Variants in ASTN2 observed in about 807,000 individuals in gnomAD.
The protein encoded by ASTN2 is astrotactin-2.
In ASTN2, 54 loss-of-function variants were observed where a neutral mutation model predicts 139.8. That is an observed-to-expected ratio of 0.39 (90% CI 0.31 to 0.48). The LOEUF (loss-of-function observed/expected upper bound fraction) is 0.48. Ranked by LOEUF, ASTN2 falls within the 20% of genes least tolerant of loss-of-function variation. The pLI, the probability that ASTN2 is intolerant of heterozygous loss-of-function variation, is 0.95. For synonymous variants in ASTN2, 756 were observed against 719.5 expected (o/e 1.05, Z -0.81); for missense variants, 1,565 against 1,725.1 (o/e 0.91, Z 1.64).
At chr9:116,819,350 G>A (rs144974255) in intron 12 of ASTN2, among the ~76,000 whole-genome samples, 112 of 152,160 alleles carry the variant, frequency 7.4e-4, no homozygotes, top group Non-Finnish European at 1.4e-3. Context: ...AGGAGAGATC[G>A]CTATAAATTC....
intron 1 of ASTN2, among the ~76,000 whole-genome samples, chr9:117,366,266 C>T (rs185517675): frequency 6.6e-6 from 1 of 152,192 alleles, no homozygotes; most frequent in Admixed American, 6.5e-5. Context: ...GACAAGCTGA[C>T]AATGTTAATG....
intron 13 of ASTN2, among the ~76,000 whole-genome samples, chr9:116,779,204 GGTCTTTTGGT>G (rs1370923974): frequency 2.0e-5 from 3 of 152,054 alleles, no homozygotes; most frequent in Non-Finnish European, 4.4e-5. Flanking sequence ...TGCAGGGTGG[GGTCTTTTGGT>G]AGGTGTTTGG....
At position 117,214,442 on chromosome 9, in the gene ASTN2, C is replaced by T; in HGVS notation, c.931G>A (p.Glu311Lys). 2.5e-6 allele frequency: 4 copies of T among 1,614,132 alleles called. No individual in the cohort carries two copies. The highest frequency in any genetic ancestry group is 1.1e-5 in the South Asian group (1 of 91,072). Reference sequence around the variant, plus strand: ...GTCACCTGGCTGCCAAACTCGTCCTCGCGGGAGACATGGTTGGCCCGCCTA... The same window carrying T: ...GTCACCTGGCTGCCAAACTCGTCCTTGCGGGAGACATGGTTGGCCCGCCTA... ...PPRRANHVSR[E>K]DEFGSQVTHT... Residue 311 changes from glutamate to lysine, a missense_variant, in exon 3 of 23, where the codon GAG becomes AAG. By Grantham distance (56) the Glu-to-Lys change is moderately conservative (BLOSUM62 1). Coordinates refer to ENST00000313400, the MANE Select transcript of ASTN2 (RefSeq NM_001365068.1).
intron 10 of ASTN2, among the ~76,000 whole-genome samples, chr9:116,906,304 C>A (rs1458695866): frequency 1.3e-5 from 2 of 152,116 alleles, no homozygotes; most frequent in South Asian, 2.1e-4. Flanking sequence ...ACCAGAGGAA[C>A]CTTTTTGTTC....
intron 13 of ASTN2, among the ~76,000 whole-genome samples, chr9:116,740,351 T>TG (rs143952171): frequency 0.032 from 4,832 of 152,298 alleles, 268 homozygotes; most frequent in African/African-American, 0.11. Context: ...AGAAAGAGCA[T>TG]GGGCTTAGAA....
intron 6 of ASTN2, among the ~76,000 whole-genome samples, chr9:117,022,774 T>C (rs1285062058): frequency 6.6e-6 from 1 of 152,046 alleles, no homozygotes; most frequent in Non-Finnish European, 1.5e-5. Flanking sequence ...AGCAGCAGGA[T>C]AGTTAAATGT....
intron 10 of ASTN2, among the ~76,000 whole-genome samples, chr9:116,970,926 G>A (rs1836178139): frequency 6.6e-6 from 1 of 152,194 alleles, no homozygotes; most frequent in Non-Finnish European, 1.5e-5. Context: ...TGCTCCAGGT[G>A]AAATTGTGAA....
At chr9:117,043,032 A>T (rs921321361) in intron 5 of ASTN2, among the ~76,000 whole-genome samples, 5 of 151,976 alleles carry the variant, frequency 3.3e-5, no homozygotes, top group African/African-American at 1.2e-4. Context: ...CACCACACCC[A>T]GCTAATTTTT....
intron 7 of ASTN2, among the ~76,000 whole-genome samples, chr9:116,997,709 C>A (rs767784411): frequency 3.3e-5 from 5 of 152,148 alleles, no homozygotes; most frequent in Non-Finnish European, 7.4e-5. Context: ...TACTTTAAGA[C>A]ATAGCTACTT....
chr9:117,032,478 G>C (rs776807162), intron 6 of ASTN2, among the ~76,000 whole-genome samples: 5 of 152,176 alleles, frequency 3.3e-5, no homozygotes, highest in African/African-American at 4.8e-5. Flanking sequence ...TGATTTCATA[G>C]AGCAGGATGT....
chr9:117,035,341 A>G (rs1288636825), intron 6 of ASTN2, among the ~76,000 whole-genome samples: 4 of 152,174 alleles, frequency 2.6e-5, no homozygotes, highest in Non-Finnish European at 5.9e-5. Flanking sequence ...AAAATATCAT[A>G]GAATTGTGCA....
intron 4 of ASTN2, among the ~76,000 whole-genome samples, chr9:117,113,381 C>T (rs1448343612): frequency 3.3e-5 from 5 of 152,276 alleles, no homozygotes; most frequent in East Asian, 3.9e-4. Context: ...TTAGGCCAGG[C>T]GTGGTGGCTC....
Position 117,177,320 on chromosome 9 carries a change from C to T in ASTN2, c.1016-35842G>A, listed in dbSNP as rs543706180. 1.8e-4 allele frequency among the ~76,000 whole-genome samples: 27 copies of T among 152,288 alleles called. 1 individual carries two copies. Among genetic ancestry groups the T allele is most frequent in the African/African-American group, 6.5e-4 (27 of 41,568 alleles). On this transcript the variant is annotated intron_variant, in intron 3 of 22. Transcript: ENST00000313400. ...TATCACCATTTTATGCATAAGGAAG[C>T]TGAGGGACAAATCAGTTAAATAACT...
intron 19 of ASTN2, among the ~76,000 whole-genome samples, chr9:116,500,676 G>A (rs1849824356): frequency 6.6e-6 from 1 of 152,178 alleles, no homozygotes; most frequent in Non-Finnish European, 1.5e-5. Context: ...CTAAGCAAGT[G>A]ACGTCATCTT....
At chr9:117,125,388 T>G (rs1829661138) in intron 4 of ASTN2, among the ~76,000 whole-genome samples, 1 of 152,246 alleles carries the variant, frequency 6.6e-6, no homozygotes. Context: ...ATCTTCTTTG[T>G]GATCTGTTGC....
At chr9:116,594,062 C>T (rs1222818216) in intron 19 of ASTN2, among the ~76,000 whole-genome samples, 5 of 152,232 alleles carry the variant, frequency 3.3e-5, no homozygotes, top group Non-Finnish European at 5.9e-5. Context: ...CGTGGGACCT[C>T]TCTCAGCTCA....
At chr9:116,645,458 G>A (rs184248832) in intron 17 of ASTN2, among the ~76,000 whole-genome samples, 1 of 152,208 alleles carries the variant, frequency 6.6e-6, no homozygotes, top group East Asian at 1.9e-4. Flanking sequence ...TGCATTCACT[G>A]GAATGTACCT....
intron 12 of ASTN2, among the ~76,000 whole-genome samples, chr9:116,815,286 TAC>T (rs1025911041): frequency 1.3e-5 from 2 of 152,182 alleles, no homozygotes; most frequent in Non-Finnish European, 2.9e-5. Flanking sequence ...CTCTTAAAAT[TAC>T]ATAAAGAGAA....
At chr9:117,114,164 G>C (rs1421213980) in intron 4 of ASTN2, among the ~76,000 whole-genome samples, 1 of 124,000 alleles carries the variant, frequency 8.1e-6, no homozygotes, top group African/African-American at 3.1e-5. Context: ...ATGAACATTA[G>C]TCTTTTTTTT....
Sources: allele counts gnomAD v4.1 joint callset (sites outside exome capture counted in the v4.1 genomes callset), GRCh38; gene constraint gnomAD v4.1.1; transcripts MANE v1.5; gene names NCBI Gene and HGNC (gene_info 2026-07-23, HGNC 2026-07-21).